The following SHMT1 variants were observed in gnomAD, a reference collection of about 807,000 sequenced individuals.
SHMT1 encodes serine hydroxymethyltransferase 1, also known as serine hydroxymethyltransferase, cytosolic.
Under a neutral mutation model 49.0 loss-of-function variants are expected in SHMT1, and 45 were observed. The observed-to-expected ratio is 0.92, with a 90% CI of 0.72 to 1.18. The LOEUF (loss-of-function observed/expected upper bound fraction) is 1.18. SHMT1 is among the 50% of genes most tolerant of loss of function. The probability of loss-of-function intolerance (pLI) is 0.00; values close to 1 mark genes in which losing one functional copy is unlikely to be tolerated. For synonymous variants in SHMT1, 232 were observed against 246.6 expected, an observed-to-expected ratio of 0.94 and a Z score of 0.55; for missense variants, 541 against 612.4, an observed-to-expected ratio of 0.88 and a Z score of 1.23.
chr17:18,330,464 C>T (rs1983076287), intron 10 of SHMT1, 91 bp downstream of exon 10: 3 of 968,338 alleles, frequency 3.1e-6, no homozygotes, highest in Non-Finnish European at 5.1e-6. Context: ...TGAGGTCTGT[C>T]CCCGGAGCCA....
At chr17:18,360,553 C>T (rs1471012125) in intron 1 of SHMT1, 1 of 146,832 alleles carries the variant, frequency 6.8e-6, no homozygotes, top group Admixed American at 7.0e-5. Flanking sequence ...GAACAAGACC[C>T]TGTCTCAAAA....
At chr17:18,336,485 G>A (rs1168038859) in intron 7 of SHMT1, among the ~76,000 whole-genome samples, 2 of 152,054 alleles carry the variant, frequency 1.3e-5, no homozygotes, top group African/African-American at 4.8e-5. Context: ...GGTCAACATA[G>A]TGAAACCCTG....
chr17:18,348,478 C>T (rs1407299863), intron 3 of SHMT1, 38 bp from the exon 4 acceptor site: 1 of 1,463,076 alleles, frequency 6.8e-7, no homozygotes, highest in Non-Finnish European at 9.6e-7. Flanking sequence ...TCCACTCAGA[C>T]CCAGAAAGTC....
intron 3 of SHMT1, among the ~76,000 whole-genome samples, chr17:18,350,191 T>C (rs1028364105): frequency 6.6e-6 from 1 of 150,582 alleles, no homozygotes; most frequent in African/African-American, 2.4e-5. Flanking sequence ...ATTAGCCGGG[T>C]GTGGTGGCGG....
chr17:18,328,529 A>T lies in SHMT1; in HGVS notation c.*221T>A. On this transcript the variant is annotated 3_prime_UTR_variant, in exon 12 of 12. Transcript: ENST00000316694. The stretch of plus-strand genomic sequence containing the variant: ...CCAGCTGTGAGAAAGCCAGGTTCAA[A>T]TTTAAATCCTTTAATAACCTGTCCC... The T allele has an allele frequency of 1.7e-6, 1 of 580,646 alleles. No individual in the cohort carries two copies. The highest frequency in any genetic ancestry group is 4.6e-4 in the Middle Eastern group (1 of 2,174). The allele number at this position is 580,646 out of a possible 1,614,324, so 36.0% of individuals were successfully genotyped here. A position where few individuals can be genotyped will look rare whatever the true frequency, so the allele number is the denominator to read the frequency against.
At chr17:18,348,304 C>T (rs1373342645) in intron 4 of SHMT1, 21 bp downstream of exon 4, 2 of 1,471,346 alleles carry the variant, frequency 1.4e-6, no homozygotes, top group Non-Finnish European at 1.9e-6. Flanking sequence ...CTGCACCAGG[C>T]CATATGGATG....
chr17:18,345,884 G>T (rs1192457264), intron 5 of SHMT1, among the ~76,000 whole-genome samples: 1 of 151,984 alleles, frequency 6.6e-6, no homozygotes, highest in Non-Finnish European at 1.5e-5. Flanking sequence ...GTTTGAACAT[G>T]TTGGCCAGGC....
At position 18,340,272 on chromosome 17, in the gene SHMT1, G is replaced by A. The variant is rs1410432978; in HGVS notation, c.602-17C>T. On this transcript the variant is annotated splice_polypyrimidine_tract_variant and intron_variant, in intron 6 of 11. Transcript: ENST00000316694. The surrounding 1 kb of genome is among the most constrained non-coding windows in gnomAD (Gnocchi z 4.5). The stretch of plus-strand genomic sequence containing the variant: ...AGCTGGTTCCTGAGACAGGAAAGGT[G>A]ACACAGCTGCATCAGAGATGTCCAC... The A allele has an allele frequency of 1.2e-6, 2 of 1,613,434 alleles. No homozygotes were observed. The highest frequency in any genetic ancestry group is 1.7e-6 in the Non-Finnish European group (2 of 1,179,594).
chr17:18,329,035 C>A, intron 11 of SHMT1, 116 bp from the exon 12 acceptor site: 1 of 1,320,440 alleles, frequency 7.6e-7, no homozygotes, highest in Non-Finnish European at 1.1e-6. Context: ...TGGCAGGGCA[C>A]AAGGTCTCCA....
chr17:18,358,215 G>A (rs113972910), intron 1 of SHMT1, among the ~76,000 whole-genome samples: 1 of 151,260 alleles, frequency 6.6e-6, no homozygotes, highest in South Asian at 2.1e-4. Context: ...ATTGTGGCTG[G>A]GCGCAGTGGC....
At chr17:18,352,146 CCTT>C (rs1333944226) in intron 3 of SHMT1, among the ~76,000 whole-genome samples, 3 of 93,728 alleles carry the variant, frequency 3.2e-5, no homozygotes, top group Non-Finnish European at 6.2e-5. Context: ...CACTCAGTCC[CCTT>C]CTTTTTTTTT....
intron 3 of SHMT1, 171 bp from the exon 4 acceptor site, chr17:18,348,611 T>A (rs1164381112): frequency 2.8e-6 from 2 of 723,348 alleles, no homozygotes; most frequent in East Asian, 2.7e-5. Context: ...GTTCCACCAA[T>A]GCCTCTGGAA....
intron 1 of SHMT1, among the ~76,000 whole-genome samples, chr17:18,358,384 G>A (rs545404229): frequency 1.3e-5 from 2 of 152,088 alleles, no homozygotes; most frequent in Admixed American, 1.3e-4. Flanking sequence ...CAGCTACTCG[G>A]GAGGCTGAGG....
chr17:18,349,702 C>A (rs1567787393), intron 3 of SHMT1, among the ~76,000 whole-genome samples: 1 of 151,800 alleles, frequency 6.6e-6, no homozygotes, highest in Non-Finnish European at 1.5e-5. Flanking sequence ...TGGAGCAACA[C>A]AGTGAGACCC....
Position 18,329,375 on chromosome 17 carries a change from A to C in SHMT1, c.1185T>G (p.Ala395=), listed in dbSNP as rs1567765873. ...CCAGCCGCAGTCCACTGGGCCGCAG[A>C]GCGCTTCTGTCACCTACAAGATAAA... ...NKNTCPGDRS[A]LRPSGLRLGT... The change falls in exon 11 of 12, where the codon GCT becomes GCG. Residue 395 remains alanine (A), a synonymous_variant. Transcript: ENST00000316694. 5 of 1,612,502 alleles carry C rather than the reference A, an allele frequency of 3.1e-6. No homozygotes were observed. Among genetic ancestry groups the C allele is most frequent in the Non-Finnish European group, 4.2e-6 (5 of 1,179,812 alleles).
chr17:18,344,965 C>T (rs1034331335), intron 5 of SHMT1, among the ~76,000 whole-genome samples: 1 of 152,172 alleles, frequency 6.6e-6, no homozygotes, highest in African/African-American at 2.4e-5. Context: ...GGCCCTGGGA[C>T]ACCCCCTAAC....
intron 7 of SHMT1, among the ~76,000 whole-genome samples, chr17:18,336,987 G>A (rs1394575302): frequency 1.3e-5 from 2 of 152,128 alleles, no homozygotes. Flanking sequence ...CATTGAAAGA[G>A]ACAACGCTCA....
At position 18,335,714 on chromosome 17, in the gene SHMT1, T is replaced by TG. The variant is rs1485334351; in HGVS notation, c.815-40dup. ...AACATCACAGTGGGATCATAGGGGC[T>TG]GTCCCCTCTTTTTCTTTTTAGGCTC... On this transcript the variant is annotated intron_variant, in intron 7 of 11. Coordinates refer to ENST00000316694, the MANE Select transcript of SHMT1 (RefSeq NM_004169.5). The TG allele has an allele frequency of 5.0e-6, 7 of 1,409,474 alleles. No homozygotes were observed. In the South Asian group the frequency reaches 8.0e-5, roughly 16 times the overall value. 87.3% of individuals were successfully genotyped at this position (1,409,474 alleles called of 1,614,324 possible). A position where few individuals can be genotyped will look rare whatever the true frequency, so the allele number is the denominator to read the frequency against.
chr17:18,363,180 G>C (rs1408537055), intron 1 of SHMT1, 192 bp downstream of exon 1: 1 of 152,234 alleles, frequency 6.6e-6, no homozygotes, highest in African/African-American at 2.4e-5. Flanking sequence ...CTGGAACTGG[G>C]GCGCTGCGGC....
Sources: gnomAD v4.1 joint callset for allele counts (sites outside exome capture counted in the v4.1 genomes callset) on GRCh38, gnomAD v4.1.1 for gene constraint, Gnocchi (gnomAD v3.1) non-coding constraint, MANE v1.5 for transcripts, NCBI Gene and HGNC (gene_info 2026-07-23, HGNC 2026-07-21) for gene names.